The following TMEM51 variants were observed in gnomAD, a reference collection of about 807,000 sequenced individuals.
The protein encoded by TMEM51 is transmembrane protein 51.
TMEM51 carries 8 observed loss-of-function variants against 13.6 expected under a neutral mutation model. The ratio of observed to expected loss-of-function variants is 0.59; its 90% confidence interval spans 0.35 to 1.07. TMEM51 has a LOEUF of 1.07. Among genes scored for constraint, TMEM51 ranks in the 50% least tolerant of loss-of-function variants. TMEM51 has a pLI of 0.02. For missense variants in TMEM51, 279 were observed against 330.7 expected (o/e 0.84, Z 1.21); for synonymous variants, 147 against 144.4 (o/e 1.02, Z -0.13).
At position 15,220,168 on chromosome 1, in the gene TMEM51, G is replaced by C. The variant is rs1050654641; in HGVS notation, c.*425G>C. The C allele has an allele frequency of 1.1e-5, 2 of 189,628 alleles. No homozygotes were observed. The highest frequency in any genetic ancestry group is 4.7e-5 in the African/African-American group (2 of 42,658). 11.7% of individuals were successfully genotyped at this position (189,628 alleles called of 1,614,324 possible). On this transcript the variant is annotated 3_prime_UTR_variant, in exon 4 of 4. Transcript: ENST00000376008. ...AGTTTTGTGTTTGCTGTCTACGCTG[G>C]AGTCCTGAACTGTGGGTAGAAAACA...
At chr1:15,191,339 G>A (rs145161403) in intron 1 of TMEM51, among the ~76,000 whole-genome samples, 2,188 of 152,360 alleles carry the variant, frequency 0.014, 18 homozygotes, top group Non-Finnish European at 0.024. Context: ...GAATACCTTT[G>A]TGTTGCTTGA....
chr1:15,169,742 G>T (rs547611189), intron 1 of TMEM51, among the ~76,000 whole-genome samples: 1 of 152,256 alleles, frequency 6.6e-6, no homozygotes, highest in South Asian at 2.1e-4. Flanking sequence ...GACACAGAAG[G>T]CTCTGAAAGA....
intron 1 of TMEM51, among the ~76,000 whole-genome samples, chr1:15,165,815 G>A (rs751097931): frequency 1.7e-4 from 26 of 152,148 alleles, no homozygotes; most frequent in Admixed American, 4.6e-4. Flanking sequence ...CTGATGATAC[G>A]AAAGATTGTT....
rs571747486 is a variant in TMEM51 at position 15,193,293 on chromosome 1, T to C, written c.-266-17197T>C. On this transcript the variant is annotated intron_variant, in intron 1 of 3. Coordinates refer to ENST00000376008, the MANE Select transcript of TMEM51 (RefSeq NM_001136218.2). Reference sequence around the variant, plus strand: ...TCCAGGCTGCCACTGCCTGTCTTTGTGGGGAAACTGGCTGTAGTTCCTGCA... The same window carrying C: ...TCCAGGCTGCCACTGCCTGTCTTTGCGGGGAAACTGGCTGTAGTTCCTGCA... Among the ~76,000 whole-genome samples the C allele has an allele frequency of 3.3e-5, 5 of 152,320 alleles. No homozygotes were observed. In the South Asian group the frequency reaches 1.0e-3, roughly 32 times the overall value.
In TMEM51 at chr1:15,176,599, G is replaced by C. The variant is rs1242464593; in HGVS notation, c.-267+22645G>C. On this transcript the variant is annotated intron_variant, in intron 1 of 3. Coordinates refer to ENST00000376008, the MANE Select transcript of TMEM51 (RefSeq NM_001136218.2). ...TAGACCCAGGACCGTTTCCCTCCTTGGACATGTTCAGGACATTACTCTGGT... is the reference window on the plus strand; with the variant it reads ...TAGACCCAGGACCGTTTCCCTCCTTCGACATGTTCAGGACATTACTCTGGT... Among the ~76,000 whole-genome samples the C allele has an allele frequency of 7.2e-5, 11 of 152,174 alleles. 1 individual carries two copies. The highest frequency in any genetic ancestry group is 4.6e-4 in the Admixed American group (7 of 15,278).
At chr1:15,204,436 C>G (rs956418461) in intron 1 of TMEM51, among the ~76,000 whole-genome samples, 2 of 152,228 alleles carry the variant, frequency 1.3e-5, no homozygotes, top group Admixed American at 6.5e-5. Context: ...CGCCTGTAAT[C>G]CCAGCTAGTT....
At chr1:15,192,006 A>G in intron 1 of TMEM51, 1 of 532,652 alleles carries the variant, frequency 1.9e-6, no homozygotes, top group South Asian at 1.4e-5. Flanking sequence ...ATGTTCCTTC[A>G]GTTGTTGCGT....
chr1:15,162,785 G>A (rs997743493), intron 1 of TMEM51, among the ~76,000 whole-genome samples: 1 of 152,042 alleles, frequency 6.6e-6, no homozygotes, highest in African/African-American at 2.4e-5. Context: ...GATACTATAT[G>A]ATTCTACTTG....
rs368442733 is a variant in TMEM51, at chr1:15,187,678, C to T, written c.-266-22812C>T. The stretch of plus-strand genomic sequence containing the variant: ...TAACAGCCCAGAGGCATTCCCACCA[C>T]GGTGATTTATGACCCTCTCTATGGG... On this transcript the variant is annotated intron_variant, in intron 1 of 3. Coordinates refer to ENST00000376008, the MANE Select transcript of TMEM51 (RefSeq NM_001136218.2). Among the ~76,000 whole-genome samples, 19 of 152,334 alleles carry T rather than the reference C, an allele frequency of 1.2e-4. 1 individual carries two copies. The South Asian group carries it at 2.1e-3, about 17-fold the overall frequency.
rs1366344504 is a variant in TMEM51, at chr1:15,219,341, G to A, written c.360G>A (p.Glu120=). 9.5e-6 allele frequency: 15 copies of A among 1,583,484 alleles called. No homozygotes were observed. The highest frequency in any genetic ancestry group is 1.3e-5 in the Non-Finnish European group (15 of 1,162,344). Residue 120 remains glutamate (E), a synonymous_variant, in exon 4 of 4, where the codon GAG becomes GAA. Transcript: ENST00000376008. ...AQEEDSQEEE[E]EDEEAASRYY... ...CTTCTTGCAGCCAGGAGGAAGAAGA[G>A]GAGGATGAGGAGGCTGCCTCAAGGT...
intron 1 of TMEM51, among the ~76,000 whole-genome samples, chr1:15,180,023 TAAGTA>T (rs1276149075): frequency 6.6e-6 from 1 of 152,084 alleles, no homozygotes; most frequent in Non-Finnish European, 1.5e-5. Flanking sequence ...AGTAAATAAA[TAAGTA>T]AAGGGCAGAT....
intron 1 of TMEM51, among the ~76,000 whole-genome samples, chr1:15,203,446 A>G (rs1644194732): frequency 6.7e-6 from 1 of 149,866 alleles, no homozygotes; most frequent in South Asian, 2.1e-4. Context: ...TTTTTTCAGT[A>G]GAGACAGAGT....
intron 1 of TMEM51, chr1:15,192,165 T>C (rs946929004): frequency 2.9e-5 from 12 of 408,908 alleles, no homozygotes; most frequent in African/African-American, 1.9e-4. Flanking sequence ...GTGCCCTCTT[T>C]AGTCTGCCGG....
chr1:15,213,208 G>C (rs543179964), intron 2 of TMEM51, among the ~76,000 whole-genome samples: 14 of 152,342 alleles, frequency 9.2e-5, no homozygotes, highest in African/African-American at 3.4e-4. Context: ...CGCTACTTAG[G>C]AGGTAGTGAG....
chr1:15,191,937 A>G (rs10803364), intron 1 of TMEM51: 248,368 of 532,008 alleles, frequency 0.47, 62,309 homozygotes, highest in East Asian at 0.9. Flanking sequence ...GTAGGCGTCT[A>G]TTTAGTTTGA....
intron 1 of TMEM51, among the ~76,000 whole-genome samples, chr1:15,166,976 G>A (rs1030522707): frequency 2.8e-4 from 42 of 152,102 alleles, no homozygotes; most frequent in African/African-American, 9.9e-4. Context: ...AGGATATCAC[G>A]TAAATAGAAT....
chr1:15,186,918 C>T (rs184466697), intron 1 of TMEM51, among the ~76,000 whole-genome samples: 15 of 152,240 alleles, frequency 9.9e-5, no homozygotes, highest in East Asian at 7.7e-4. Flanking sequence ...TGAAGCAGGC[C>T]GGCTGCCTTG....
In TMEM51 at chr1:15,215,437, GCCTGACTGTCCCCTTC is replaced by G. The variant is rs1363792532; in HGVS notation, c.344+10_344+25del. On this transcript the variant is annotated splice_region_variant and intron_variant, in intron 3 of 3. Coordinates refer to ENST00000376008, the MANE Select transcript of TMEM51 (RefSeq NM_001136218.2). ...CACGCCCAGGAGGAAGACAGGTGAG[GCCTGACTGTCCCCTTC>G]CCTCCCCGGATCGGGGATGGGCACG... is the stretch of plus-strand genomic sequence containing the variant. The G allele has an allele frequency of 6.3e-7, 1 of 1,588,786 alleles. No individual in the cohort carries two copies. The highest frequency in any genetic ancestry group is 2.2e-5 in the East Asian group (1 of 44,506).
At chr1:15,180,741 G>A (rs187360210) in intron 1 of TMEM51, among the ~76,000 whole-genome samples, 1 of 152,252 alleles carries the variant, frequency 6.6e-6, no homozygotes. Flanking sequence ...AGAGCCTTTA[G>A]CACGGGGAGC....
Sources: gnomAD v4.1 joint callset for allele counts (sites outside exome capture counted in the v4.1 genomes callset) on GRCh38, gnomAD v4.1.1 for gene constraint, MANE v1.5 for transcripts, NCBI Gene and HGNC (gene_info 2026-07-23, HGNC 2026-07-21) for gene names.